The following SLC24A3 variants were observed in gnomAD, a reference collection of about 807,000 sequenced individuals.
SLC24A3 encodes sodium/potassium/calcium exchanger 3.
SLC24A3 carries 28 observed loss-of-function variants against 75.8 expected under a neutral mutation model. The observed-to-expected ratio is 0.37, with a 90% CI of 0.27 to 0.51. The LOEUF is 0.51. Among genes scored for constraint, SLC24A3 ranks in the 20% least tolerant of loss-of-function variants. The probability of loss-of-function intolerance (pLI) is 0.94; values close to 1 mark genes in which losing one functional copy is unlikely to be tolerated. For synonymous variants in SLC24A3, 372 were observed against 334.1 expected, an observed-to-expected ratio of 1.11 and a Z score of -1.24; for missense variants, 663 against 847.8, an observed-to-expected ratio of 0.78 and a Z score of 2.71.
intron 2 of SLC24A3, among the ~76,000 whole-genome samples, chr20:19,337,487 A>G (rs568833355): frequency 6.6e-6 from 1 of 151,706 alleles, no homozygotes; most frequent in African/African-American, 2.4e-5. Flanking sequence ...TTAATTAATT[A>G]AATAAAAGTC....
At chr20:19,586,281 A>T (rs1357774743) in intron 6 of SLC24A3, among the ~76,000 whole-genome samples, 1 of 152,194 alleles carries the variant, frequency 6.6e-6, no homozygotes, top group Non-Finnish European at 1.5e-5. Context: ...CTGATATCCT[A>T]AATTTCTTCA....
Position 19,252,643 on chromosome 20 carries a change from CG to C in SLC24A3, c.143-28307del, listed in dbSNP as rs35974779. ...AACAAAAAGCCTGAAATTGGAATGG[CG>C]GGGGGGGGTGCCTGTTCCAGAAACT... is the stretch of plus-strand genomic sequence containing the variant. On this transcript the variant is annotated intron_variant, in intron 1 of 16. Coordinates refer to ENST00000328041, the MANE Select transcript of SLC24A3 (RefSeq NM_020689.4). 4.6e-4 allele frequency among the ~76,000 whole-genome samples: 62 copies of C among 133,430 alleles called. 3 individuals carry two copies. Among genetic ancestry groups the C allele is most frequent in the Non-Finnish European group, 2.6e-4 (16 of 60,448 alleles). The allele number at this position is 133,430 out of a possible 152,430, so 87.5% of individuals were successfully genotyped here.
At chr20:19,612,708 C>A (rs1362681904) in intron 6 of SLC24A3, among the ~76,000 whole-genome samples, 1 of 152,074 alleles carries the variant, frequency 6.6e-6, no homozygotes, top group Non-Finnish European at 1.5e-5. Flanking sequence ...CTGCTGCCAT[C>A]TGGCTCAGCT....
intron 15 of SLC24A3, 75 bp downstream of exon 15, chr20:19,698,755 G>T (rs902214300): frequency 5.2e-6 from 6 of 1,165,004 alleles, no homozygotes; most frequent in Non-Finnish European, 6.2e-6. Context: ...TGGCCACAGG[G>T]TCTTTGTCTC....
chr20:19,508,132 G>A (rs535886396), intron 2 of SLC24A3, among the ~76,000 whole-genome samples: 35 of 152,270 alleles, frequency 2.3e-4, no homozygotes, highest in African/African-American at 7.9e-4. Flanking sequence ...TACCGCACCC[G>A]GAAGACAAAG....
intron 2 of SLC24A3, among the ~76,000 whole-genome samples, chr20:19,460,692 G>A (rs1338309575): frequency 1.3e-5 from 2 of 152,132 alleles, no homozygotes; most frequent in Admixed American, 6.5e-5. Flanking sequence ...GGTGTTTATG[G>A]TGGATAATCA....
chr20:19,689,402 A>G (rs983515596), intron 12 of SLC24A3, among the ~76,000 whole-genome samples: 2 of 152,230 alleles, frequency 1.3e-5, no homozygotes, highest in African/African-American at 4.8e-5. Flanking sequence ...GGATACTATC[A>G]TGCTTACGGG....
At chr20:19,213,477 A>T (rs1474370758) in intron 1 of SLC24A3, 1 of 152,512 alleles carries the variant, frequency 6.6e-6, no homozygotes, top group African/African-American at 2.4e-5. Context: ...AGAGCTCTTC[A>T]ACCCCCTTTC....
At chr20:19,503,747 G>T (rs1396092225) in intron 2 of SLC24A3, among the ~76,000 whole-genome samples, 1 of 152,114 alleles carries the variant, frequency 6.6e-6, no homozygotes, top group Non-Finnish European at 1.5e-5. Flanking sequence ...CAACAGCTAC[G>T]CATATTCTTA....
At chr20:19,366,028 C>T (rs998337594) in intron 2 of SLC24A3, among the ~76,000 whole-genome samples, 3 of 152,134 alleles carry the variant, frequency 2.0e-5, no homozygotes, top group Non-Finnish European at 4.4e-5. Flanking sequence ...GCAGGGGCTT[C>T]CCTGGAACAG....
At chr20:19,613,558 C>T (rs1321151641) in intron 6 of SLC24A3, among the ~76,000 whole-genome samples, 2 of 152,200 alleles carry the variant, frequency 1.3e-5, no homozygotes, top group South Asian at 2.1e-4. Flanking sequence ...ATCTATTCCC[C>T]GTTTTAATCA....
At chr20:19,586,184 C>G (rs1025848974) in intron 6 of SLC24A3, among the ~76,000 whole-genome samples, 2 of 152,116 alleles carry the variant, frequency 1.3e-5, no homozygotes, top group Admixed American at 1.3e-4. Context: ...GCTCAGAAGC[C>G]ACTGCGTGGG....
At chr20:19,696,497 C>A in intron 13 of SLC24A3, 1 of 298,078 alleles carries the variant, frequency 3.4e-6, no homozygotes. Flanking sequence ...CCAATATTGC[C>A]TTTTTCCCAG....
intron 2 of SLC24A3, among the ~76,000 whole-genome samples, chr20:19,373,012 T>C (rs915510000): frequency 2.0e-5 from 3 of 151,988 alleles, no homozygotes; most frequent in Non-Finnish European, 4.4e-5. Context: ...ATGCCTAACT[T>C]AGTTACCAAA....
chr20:19,587,367 T>C (rs540950533), intron 6 of SLC24A3, among the ~76,000 whole-genome samples: 1 of 152,316 alleles, frequency 6.6e-6, no homozygotes, highest in African/African-American at 2.4e-5. Flanking sequence ...AACACCTGCA[T>C]CAAAGGCAAA....
chr20:19,666,192 G>A (rs1182545363), intron 8 of SLC24A3, among the ~76,000 whole-genome samples: 2 of 152,152 alleles, frequency 1.3e-5, no homozygotes, highest in Admixed American at 6.5e-5. Flanking sequence ...TCAGCCATGT[G>A]CTAGGGTAGA....
chr20:19,376,188 A>G (rs188478697), intron 2 of SLC24A3, among the ~76,000 whole-genome samples: 2 of 152,336 alleles, frequency 1.3e-5, no homozygotes, highest in East Asian at 1.9e-4. Flanking sequence ...TACATTGTGT[A>G]CCCCAATTAA....
At chr20:19,579,581 A>G (rs1358518757) in intron 3 of SLC24A3, among the ~76,000 whole-genome samples, 1 of 152,240 alleles carries the variant, frequency 6.6e-6, no homozygotes, top group Non-Finnish European at 1.5e-5. Context: ...GAATTAATTT[A>G]ACATATAATG....
chr20:19,719,058 T>G (rs2033072224), intron 16 of SLC24A3, among the ~76,000 whole-genome samples: 1 of 152,108 alleles, frequency 6.6e-6, no homozygotes, highest in Non-Finnish European at 1.5e-5. Flanking sequence ...TGCAGGGTCC[T>G]GGAAGCCACC....
Sources: gnomAD v4.1 joint callset for allele counts (sites outside exome capture counted in the v4.1 genomes callset) on GRCh38, gnomAD v4.1.1 for gene constraint, MANE v1.5 for transcripts, NCBI Gene and HGNC (gene_info 2026-07-23, HGNC 2026-07-21) for gene names.